The following TXLNB variants were observed in gnomAD, a reference collection of about 807,000 sequenced individuals.
The protein encoded by TXLNB is taxilin beta.
A neutral mutation model predicts 57.4 loss-of-function variants in TXLNB; 37 were observed. That is an observed-to-expected ratio of 0.64 (90% CI 0.50 to 0.85). The LOEUF (loss-of-function observed/expected upper bound fraction) is 0.85, where lower values mean the gene tolerates loss of function less well. TXLNB is among the 40% of genes least tolerant of loss of function. The pLI, the probability that TXLNB is intolerant of heterozygous loss-of-function variation, is 0.00. For missense variants in TXLNB, 848 were observed against 825.6 expected (o/e 1.03, Z -0.33); for synonymous variants, 302 against 309.6 (o/e 0.98, Z 0.26).
the TXLNB span, among the ~76,000 whole-genome samples, chr6:139,318,379 GATA>G: frequency 6.6e-6 from 1 of 151,752 alleles, no homozygotes; most frequent in Non-Finnish European, 1.5e-5. Context: ...GAAAAGTGGT[GATA>G]ATTCTTACGT....
chr6:139,288,948 A>G, intron 1 of TXLNB, 35 bp from the exon 2 acceptor site: 1 of 1,470,108 alleles, frequency 6.8e-7, no homozygotes, highest in East Asian at 2.3e-5. Context: ...TATGTAGCTA[A>G]CCTACTTGCT....
At chr6:139,306,093 T>C in the TXLNB span, among the ~76,000 whole-genome samples, 6 of 152,290 alleles carry the variant, frequency 3.9e-5, no homozygotes, top group East Asian at 1.2e-3. Context: ...GAAACAAGAA[T>C]GGTGTATTTT....
At chr6:139,174,196 G>C in the TXLNB span, among the ~76,000 whole-genome samples, 1 of 152,148 alleles carries the variant, frequency 6.6e-6, no homozygotes, top group Non-Finnish European at 1.5e-5. Flanking sequence ...ATGCTTTATT[G>C]ACAACAGCTA....
the TXLNB span, among the ~76,000 whole-genome samples, chr6:139,297,981 G>A: frequency 6.6e-6 from 1 of 152,108 alleles, no homozygotes; most frequent in Non-Finnish European, 1.5e-5. Context: ...GGAAATGTGG[G>A]CTTGTAATCA....
intron 2 of TXLNB, among the ~76,000 whole-genome samples, chr6:139,287,848 C>T (rs577110368): frequency 6.7e-6 from 1 of 150,322 alleles, no homozygotes; most frequent in South Asian, 2.1e-4. Flanking sequence ...TTGCACTTCT[C>T]CTATATAATT....
Position 139,242,906 on chromosome 6 carries a change from G to A in TXLNB, c.1675C>T (p.Leu559=). 1 of 1,614,146 alleles carries A rather than the reference G, an allele frequency of 6.2e-7. No homozygotes were observed. Among genetic ancestry groups the A allele is most frequent in the Non-Finnish European group, 8.5e-7 (1 of 1,180,024 alleles). ...CCTTCGGCTTCAGCCTGAGGAGTTA[G>A]GGGAGGCAGGGGACTCTCTGAATCC... ...SRDSESPLPP[L]TPQAEAEGGS... is the part of the protein sequence containing the mutation. The change falls in exon 10 of 10, where the codon CTA becomes TTA. Residue 559 remains leucine (L), a synonymous_variant. Transcript: ENST00000358430.
chr6:139,213,293 C>T, the TXLNB span, among the ~76,000 whole-genome samples: 1 of 152,198 alleles, frequency 6.6e-6, no homozygotes, highest in African/African-American at 2.4e-5. Context: ...GACCACAGTG[C>T]AATCAAACTA....
At chr6:139,265,163 C>A (rs1776584146) in intron 4 of TXLNB, among the ~76,000 whole-genome samples, 1 of 152,094 alleles carries the variant, frequency 6.6e-6, no homozygotes, top group South Asian at 2.1e-4. Flanking sequence ...TATGTACAGA[C>A]ATATGAGTAG....
At chr6:139,320,595 T>C in the TXLNB span, among the ~76,000 whole-genome samples, 4 of 152,222 alleles carry the variant, frequency 2.6e-5, no homozygotes, top group Non-Finnish European at 5.9e-5. Context: ...AACTCCACTT[T>C]TGGGGAATTT....
At chr6:139,285,304 A>ACACACACACC (rs1314503333) in intron 2 of TXLNB, among the ~76,000 whole-genome samples, 3 of 128,228 alleles carry the variant, frequency 2.3e-5, no homozygotes, top group African/African-American at 8.8e-5. Flanking sequence ...ACACACACAC[A>ACACACACACC]CCCCAATTCT....
the TXLNB span, among the ~76,000 whole-genome samples, chr6:139,202,086 T>C: frequency 6.6e-6 from 1 of 152,246 alleles, no homozygotes; most frequent in East Asian, 1.9e-4. Context: ...TGAAAGTTTC[T>C]CAGTTGTATC....
the TXLNB span, among the ~76,000 whole-genome samples, chr6:139,224,669 T>C: frequency 6.6e-6 from 1 of 151,908 alleles, no homozygotes; most frequent in African/African-American, 2.4e-5. Flanking sequence ...TTGAAAAATA[T>C]AGCATACCAC....
the TXLNB span, chr6:139,169,639 T>C: frequency 6.6e-6 from 1 of 152,222 alleles, no homozygotes; most frequent in East Asian, 1.9e-4. Context: ...GATTGTTAGG[T>C]TGGCTTAGGG....
chr6:139,259,832 A>G (rs1776435728), intron 6 of TXLNB, among the ~76,000 whole-genome samples: 1 of 152,190 alleles, frequency 6.6e-6, no homozygotes, highest in African/African-American at 2.4e-5. Flanking sequence ...TGTAGAAAGT[A>G]GTGTAGACAT....
intron 2 of TXLNB, among the ~76,000 whole-genome samples, chr6:139,278,770 C>T (rs1776966632): frequency 6.6e-6 from 1 of 152,210 alleles, no homozygotes; most frequent in South Asian, 2.1e-4. Context: ...CTTTGGGAGG[C>T]TAAGGCGGGC....
At chr6:139,280,994 T>C (rs1777033291) in intron 2 of TXLNB, among the ~76,000 whole-genome samples, 1 of 152,204 alleles carries the variant, frequency 6.6e-6, no homozygotes, top group Non-Finnish European at 1.5e-5. Flanking sequence ...GGATTAAGGA[T>C]AGGAGACCTG....
chr6:139,216,924 C>T, the TXLNB span, among the ~76,000 whole-genome samples: 115 of 152,182 alleles, frequency 7.6e-4, no homozygotes, highest in Middle Eastern at 3.4e-3. Flanking sequence ...GTACACTGCT[C>T]GGGTGTACCT....
the TXLNB span, chr6:139,166,438 C>T: frequency 8.1e-6 from 13 of 1,614,212 alleles, no homozygotes; most frequent in East Asian, 6.7e-5. Flanking sequence ...GCAGCATCCT[C>T]GTCCAGTTCA....
the TXLNB span, among the ~76,000 whole-genome samples, chr6:139,315,183 C>A: frequency 3.9e-5 from 6 of 152,104 alleles, no homozygotes; most frequent in East Asian, 1.2e-3. Context: ...CTCATTTTGA[C>A]CCCCTATGAT....
Sources: allele counts gnomAD v4.1 joint callset (sites outside exome capture counted in the v4.1 genomes callset), GRCh38; gene constraint gnomAD v4.1.1; transcripts MANE v1.5; gene names NCBI Gene and HGNC (gene_info 2026-07-23, HGNC 2026-07-21).